The following DACH2 variants were observed in gnomAD, a reference collection of about 807,000 sequenced individuals.
The protein encoded by DACH2 is dachshund family transcription factor 2.
A neutral mutation model predicts 35.8 loss-of-function variants in DACH2; 17 were observed. The ratio of observed to expected loss-of-function variants is 0.48; its 90% CI spans 0.33 to 0.71. The LOEUF is 0.71. Ranked by LOEUF, DACH2 falls within the 30% of genes least tolerant of loss-of-function variation. The pLI is 0.02. For synonymous variants in DACH2, 195 were observed against 177.3 expected (o/e 1.10, Z -0.79); for missense variants, 469 against 472.7 (o/e 0.99, Z 0.07).
intron 2 of DACH2, among the ~76,000 whole-genome samples, chrX:86,378,660 A>C (rs1208300088): frequency 9.0e-6 from 1 of 111,461 alleles, no homozygotes. Flanking sequence ...GGCAAAACAA[A>C]ATCCATCTGG....
chrX:86,712,066 T>C (rs879005522), intron 5 of DACH2, among the ~76,000 whole-genome samples: 1 of 111,520 alleles, frequency 9.0e-6, no homozygotes, highest in Admixed American at 9.6e-5. Context: ...ATGGCTACTT[T>C]TCATCTAAGT....
chrX:86,231,207 T>C (rs2032941209), intron 1 of DACH2, among the ~76,000 whole-genome samples: 1 of 112,194 alleles, frequency 8.9e-6, no homozygotes, highest in Non-Finnish European at 1.9e-5. Context: ...AAACTGAGGG[T>C]TCTTAGCTTT....
At chrX:86,795,232 C>CTTTTT (rs35324617) in intron 7 of DACH2, among the ~76,000 whole-genome samples, 1 of 85,181 alleles carries the variant, frequency 1.2e-5, no homozygotes, top group Non-Finnish European at 2.3e-5. Context: ...GAAGCATGTT[C>CTTTTT]TTTTTTTTTT....
At chrX:86,282,540 G>A (rs1416414289) in intron 1 of DACH2, among the ~76,000 whole-genome samples, 2 of 111,326 alleles carry the variant, frequency 1.8e-5, no homozygotes, top group South Asian at 7.5e-4. Context: ...AAAAACTCTA[G>A]AAGGAAACAT....
intron 2 of DACH2, among the ~76,000 whole-genome samples, chrX:86,463,764 G>A (rs2037615812): frequency 9.0e-6 from 1 of 111,299 alleles, no homozygotes; most frequent in African/African-American, 3.3e-5. Context: ...GAAAATTTTT[G>A]CAATCTTTCC....
At chrX:86,315,742 A>G (rs1241343224) in intron 1 of DACH2, among the ~76,000 whole-genome samples, 2 of 106,757 alleles carry the variant, frequency 1.9e-5, no homozygotes, top group Non-Finnish European at 3.9e-5. Flanking sequence ...GTCTGGAGTA[A>G]ATACTGAGGT....
At chrX:86,488,330 G>A (rs755609958) in intron 2 of DACH2, among the ~76,000 whole-genome samples, 2 of 111,346 alleles carry the variant, frequency 1.8e-5, no homozygotes, top group South Asian at 7.5e-4. Flanking sequence ...ACCCCACTGA[G>A]CTTTTGCTTC....
chrX:86,481,060 C>G (rs1472647528), intron 2 of DACH2: 3 of 111,803 alleles, frequency 2.7e-5, no homozygotes, highest in African/African-American at 9.7e-5. Context: ...ATGAAAATTG[C>G]AGTGATACAG....
chrX:86,526,379 A>G (rs2038632845), intron 3 of DACH2, among the ~76,000 whole-genome samples: 1 of 111,817 alleles, frequency 8.9e-6, no homozygotes, highest in Non-Finnish European at 1.9e-5. Context: ...ACAATAAGGT[A>G]TTCTGCCATT....
In DACH2 at chrX:86,308,261, A is replaced by G. The variant is rs1294718430; in HGVS notation, c.489-68563A>G. Among the ~76,000 whole-genome samples the G allele has an allele frequency of 2.7e-5, 3 of 112,791 alleles. No individual in the cohort carries two copies. The East Asian group carries it at 8.4e-4, about 32-fold the overall frequency. On this transcript the variant is annotated intron_variant, in intron 1 of 11. Transcript: ENST00000373125. ...GCATATTAGGTTCCCTAAAGGTGGG[A>G]ACCACAATTACTCAGCTACAAAATT...
rs2033407385 is a variant in DACH2 at position 86,251,834 on chromosome X, T to G, written c.488+102726T>G. 2.7e-5 allele frequency among the ~76,000 whole-genome samples: 3 copies of G among 111,646 alleles called. No homozygotes were observed. In the South Asian group the frequency reaches 1.1e-3, roughly 41 times the overall value. ...CAAGTATCTTTTTCGTATAATGACTTATTTTCCTCTGGATGGGTACCCAGT... is the reference window on the plus strand; with the variant it reads ...CAAGTATCTTTTTCGTATAATGACTGATTTTCCTCTGGATGGGTACCCAGT... On this transcript the variant is annotated intron_variant, in intron 1 of 11. Transcript: ENST00000373125.
At chrX:86,178,837 A>G (rs2031388048) in intron 1 of DACH2, among the ~76,000 whole-genome samples, 1 of 111,970 alleles carries the variant, frequency 8.9e-6, no homozygotes, top group South Asian at 3.7e-4. Context: ...TGCTCACACC[A>G]AGAAATGTGA....
At chrX:86,809,665 G>C (rs765453678) in intron 7 of DACH2, among the ~76,000 whole-genome samples, 4 of 111,793 alleles carry the variant, frequency 3.6e-5, no homozygotes, top group Non-Finnish European at 7.5e-5. Flanking sequence ...TTAATCATAA[G>C]AAGTCATAAG....
chrX:86,684,383 C>T (rs1390465990), intron 4 of DACH2, among the ~76,000 whole-genome samples: 3 of 111,409 alleles, frequency 2.7e-5, no homozygotes, highest in African/African-American at 9.8e-5. Context: ...TTGCCCTCTG[C>T]TTTTTGGTTT....
chrX:86,775,913 ATTG>A (rs1195238467), intron 7 of DACH2, among the ~76,000 whole-genome samples: 1 of 111,807 alleles, frequency 8.9e-6, no homozygotes, highest in Admixed American at 9.5e-5. Context: ...GGTAGATACT[ATTG>A]TTAAGTCCAT....
At chrX:86,637,332 G>A (rs1259864172) in intron 3 of DACH2, among the ~76,000 whole-genome samples, 2 of 101,431 alleles carry the variant, frequency 2.0e-5, no homozygotes, top group African/African-American at 7.2e-5. Flanking sequence ...ATGGAAAACA[G>A]TGTGGCTATT....
At chrX:86,313,483 G>T (rs1429931694) in intron 1 of DACH2, among the ~76,000 whole-genome samples, 2 of 111,701 alleles carry the variant, frequency 1.8e-5, no homozygotes, top group African/African-American at 3.3e-5. Context: ...GCGGCCATAG[G>T]TAAGAGCTCT....
chrX:86,677,580 A>G (rs1234904384), intron 4 of DACH2, among the ~76,000 whole-genome samples: 2 of 112,290 alleles, frequency 1.8e-5, no homozygotes, highest in Non-Finnish European at 3.8e-5. Context: ...GGTGGATATT[A>G]GTCCTAAAGT....
intron 1 of DACH2, among the ~76,000 whole-genome samples, chrX:86,193,830 TA>T (rs201734740): frequency 0.019 from 2,102 of 110,710 alleles, 26 homozygotes; most frequent in Non-Finnish European, 0.033. Flanking sequence ...TTTAATCTGC[TA>T]TTTGTGAATG....
Sources: gnomAD v4.1 joint callset for allele counts (sites outside exome capture counted in the v4.1 genomes callset) on GRCh38, gnomAD v4.1.1 for gene constraint, MANE v1.5 for transcripts, NCBI Gene and HGNC (gene_info 2026-07-23, HGNC 2026-07-21) for gene names.